NECAB1: variants seen among roughly 807,000 people sequenced by gnomAD.
NECAB1 encodes N-terminal EF-hand calcium binding protein 1.
Under a neutral mutation model 57.5 loss-of-function variants are expected in NECAB1, and 29 were observed. The ratio of observed to expected loss-of-function variants is 0.50; its 90% CI spans 0.38 to 0.69. The LOEUF is 0.69. NECAB1 is among the 30% of genes least tolerant of loss of function. NECAB1 has a pLI of 0.00. For missense variants in NECAB1, 372 were observed against 413.8 expected (o/e 0.90, Z 0.88); for synonymous variants, 142 against 147.7 (o/e 0.96, Z 0.28).
chr8:90,885,144 G>T (rs1218600600), intron 5 of NECAB1, among the ~76,000 whole-genome samples: 1 of 152,154 alleles, frequency 6.6e-6, no homozygotes, highest in Non-Finnish European at 1.5e-5. Flanking sequence ...TAATTTAAAG[G>T]TGATAAAATA....
At chr8:90,823,551 C>A (rs1369945261) in intron 2 of NECAB1, among the ~76,000 whole-genome samples, 1 of 151,760 alleles carries the variant, frequency 6.6e-6, no homozygotes, top group Non-Finnish European at 1.5e-5. Context: ...TAGGAATCTG[C>A]ATTTCAGCAG....
chr8:90,890,371 A>T (rs1023663525), intron 5 of NECAB1, among the ~76,000 whole-genome samples: 2 of 152,208 alleles, frequency 1.3e-5, no homozygotes, highest in African/African-American at 2.4e-5. Flanking sequence ...GCCTTCTGCC[A>T]TGATTGTAAG....
intron 5 of NECAB1, among the ~76,000 whole-genome samples, chr8:90,907,831 T>C (rs1415080848): frequency 1.3e-5 from 2 of 152,168 alleles, no homozygotes; most frequent in African/African-American, 2.4e-5. Flanking sequence ...GAATAAAAAA[T>C]TACCAGAATA....
chr8:90,837,481 A>C (rs1000786750), intron 3 of NECAB1, among the ~76,000 whole-genome samples: 1 of 152,222 alleles, frequency 6.6e-6, no homozygotes, highest in Non-Finnish European at 1.5e-5. Flanking sequence ...GAGCAATTTA[A>C]AATTTATGAA....
intron 8 of NECAB1, among the ~76,000 whole-genome samples, chr8:90,933,321 C>A (rs1054221517): frequency 6.6e-6 from 1 of 152,106 alleles, no homozygotes; most frequent in Non-Finnish European, 1.5e-5. Context: ...AATGTGGAAC[C>A]AACCCAAATG....
chr8:90,957,943 T>TG lies in NECAB1; in HGVS notation c.*2432dup, dbSNP rs1395562170. On this transcript the variant is annotated 3_prime_UTR_variant, in exon 13 of 13. Coordinates refer to ENST00000417640, the MANE Select transcript of NECAB1 (RefSeq NM_022351.5). ...TCTGGGAAACAAGCTCAAAAAACAG[T>TG]GAAAAAAAAAGTACTGGTTTAGGAG... 6.6e-6 allele frequency: 1 copy of TG among 150,900 alleles called. No homozygotes were observed. The highest frequency in any genetic ancestry group is 2.4e-5 in the African/African-American group (1 of 41,242). The allele number at this position is 150,900 out of a possible 1,614,324, so 9.3% of individuals were successfully genotyped here. A position where few individuals can be genotyped will look rare whatever the true frequency, so the allele number is the denominator to read the frequency against.
intron 9 of NECAB1, among the ~76,000 whole-genome samples, chr8:90,936,501 C>G (rs561522249): frequency 7.3e-4 from 111 of 152,232 alleles, no homozygotes; most frequent in African/African-American, 2.5e-3. Context: ...GTTTACCTAC[C>G]ATAGCTGAAC....
At chr8:90,914,190 T>A (rs941949928) in intron 5 of NECAB1, among the ~76,000 whole-genome samples, 12 of 152,204 alleles carry the variant, frequency 7.9e-5, no homozygotes, top group Non-Finnish European at 1.3e-4. Flanking sequence ...ATAATCCCTG[T>A]GCTTAAAGAG....
At chr8:90,903,125 C>T (rs1204689444) in intron 5 of NECAB1, among the ~76,000 whole-genome samples, 2 of 151,762 alleles carry the variant, frequency 1.3e-5, no homozygotes, top group African/African-American at 4.8e-5. Flanking sequence ...TTTGAAAAAA[C>T]AATATATTAT....
At chr8:90,826,250 T>C (rs1005429620) in intron 3 of NECAB1, among the ~76,000 whole-genome samples, 2 of 151,856 alleles carry the variant, frequency 1.3e-5, no homozygotes, top group African/African-American at 4.8e-5. Flanking sequence ...AAGATGAATC[T>C]GGAGAGGAAA....
chr8:90,880,204 G>A (rs1808811184), intron 4 of NECAB1, among the ~76,000 whole-genome samples: 1 of 151,974 alleles, frequency 6.6e-6, no homozygotes, highest in Admixed American at 6.6e-5. Flanking sequence ...CACAAATACT[G>A]TGGCACATTA....
At chr8:90,846,818 T>G (rs1441197803) in intron 3 of NECAB1, among the ~76,000 whole-genome samples, 2 of 152,132 alleles carry the variant, frequency 1.3e-5, no homozygotes, top group Non-Finnish European at 2.9e-5. Flanking sequence ...TTCAGTATCA[T>G]GAGAACAGCA....
At chr8:90,811,144 G>T (rs973433943) in intron 2 of NECAB1, among the ~76,000 whole-genome samples, 1 of 151,970 alleles carries the variant, frequency 6.6e-6, no homozygotes, top group Admixed American at 6.6e-5. Flanking sequence ...GCAGAGACAG[G>T]GTTTCACTCT....
chr8:90,906,889 A>ATATATATATATATCTGTATATATATATG (rs1586111008), intron 5 of NECAB1, among the ~76,000 whole-genome samples: 3 of 72,856 alleles, frequency 4.1e-5, no homozygotes, highest in African/African-American at 1.7e-4. Flanking sequence ...ATATATATAT[A>ATATATATATATATCTGTATATATATATG]TATATATATA....
At chr8:90,799,984 G>T (rs1340589068) in intron 1 of NECAB1, among the ~76,000 whole-genome samples, 1 of 152,086 alleles carries the variant, frequency 6.6e-6, no homozygotes, top group Non-Finnish European at 1.5e-5. Flanking sequence ...ATTTCTTTCA[G>T]CAGTGTTTTG....
intron 3 of NECAB1, among the ~76,000 whole-genome samples, chr8:90,842,385 C>T (rs1812469612): frequency 6.6e-6 from 1 of 151,952 alleles, no homozygotes; most frequent in Non-Finnish European, 1.5e-5. Flanking sequence ...TGAAATTTTC[C>T]ATTGTTTCTC....
intron 3 of NECAB1, among the ~76,000 whole-genome samples, chr8:90,868,009 T>G (rs940331283): frequency 2.0e-5 from 3 of 152,190 alleles, no homozygotes; most frequent in African/African-American, 7.2e-5. Flanking sequence ...CCCCTTGCTG[T>G]TCTTGTGATT....
chr8:90,922,497 T>TTTTTTTTTTTTTTG (rs1390286796), intron 6 of NECAB1, among the ~76,000 whole-genome samples: 1 of 132,124 alleles, frequency 7.6e-6, no homozygotes, highest in African/African-American at 2.9e-5. Flanking sequence ...TTTTTTTTTT[T>TTTTTTTTTTTTTTG]TTTTTTTTTT....
At chr8:90,940,744 C>A (rs1279102101) in intron 9 of NECAB1, 42 bp from the exon 10 acceptor site, 2 of 1,476,496 alleles carry the variant, frequency 1.4e-6, no homozygotes, top group Non-Finnish European at 1.9e-6. Context: ...AAATCGGGCT[C>A]CGTGACAGCC....
Sources: gnomAD v4.1 joint callset for allele counts (sites outside exome capture counted in the v4.1 genomes callset) on GRCh38, gnomAD v4.1.1 for gene constraint, MANE v1.5 for transcripts, NCBI Gene and HGNC (gene_info 2026-07-23, HGNC 2026-07-21) for gene names.